The following MRAP2 variants were observed in gnomAD, a reference collection of about 807,000 sequenced individuals.
The protein encoded by MRAP2 is melanocortin-2 receptor accessory protein 2.
Under a neutral mutation model 17.4 loss-of-function variants are expected in MRAP2, and 20 were observed. The observed-to-expected ratio is 1.15, with a 90% CI of 0.81 to 1.67. MRAP2 has a LOEUF of 1.67. Among genes scored for constraint, MRAP2 ranks in the 40% most tolerant of loss-of-function variants. The pLI, the probability that MRAP2 is intolerant of heterozygous loss-of-function variation, is 0.00. For missense variants in MRAP2, 238 were observed against 240.0 expected (o/e 0.99, Z 0.05); for synonymous variants, 96 against 88.4 (o/e 1.09, Z -0.48).
At chr6:84,060,667 GTGT>G (rs573828023) in intron 2 of MRAP2, among the ~76,000 whole-genome samples, 61 of 151,872 alleles carry the variant, frequency 4.0e-4, no homozygotes, top group African/African-American at 1.4e-3. Flanking sequence ...AGTACATGTG[GTGT>G]TTGGTATTTG....
chr6:84,062,567 A>G (rs2099493435), intron 2 of MRAP2: 1 of 985,260 alleles, frequency 1.0e-6, no homozygotes, highest in Non-Finnish European at 1.2e-6. Context: ...TAAAAATTTT[A>G]TTTTCTAACT....
chr6:84,076,982 A>T (rs760038110), intron 3 of MRAP2, among the ~76,000 whole-genome samples: 13 of 152,206 alleles, frequency 8.5e-5, no homozygotes, highest in Non-Finnish European at 1.2e-4. Context: ...TGTGCCTCTC[A>T]TAGGAATCAG....
chr6:84,126,540 A>G, the MRAP2 span: 2 of 1,445,764 alleles, frequency 1.4e-6, no homozygotes, highest in South Asian at 1.4e-5. Flanking sequence ...AGCAAATGAA[A>G]AACTATAATC....
intron 3 of MRAP2, among the ~76,000 whole-genome samples, chr6:84,084,580 T>G (rs1392741869): frequency 6.6e-6 from 1 of 152,208 alleles, no homozygotes; most frequent in Admixed American, 6.5e-5. Flanking sequence ...GCATTTTGAC[T>G]GGAATGCCAT....
downstream of MRAP2, among the ~76,000 whole-genome samples, chr6:84,092,813 T>G (rs1379326772): frequency 6.6e-6 from 1 of 152,134 alleles, no homozygotes; most frequent in Non-Finnish European, 1.5e-5. Flanking sequence ...AAAAAAAATC[T>G]GCATACAAGT....
chr6:84,116,468 A>C, the MRAP2 span, among the ~76,000 whole-genome samples: 8 of 152,158 alleles, frequency 5.3e-5, no homozygotes, highest in African/African-American at 1.9e-4. Flanking sequence ...GCCACATAGA[A>C]TTGTGAATCC....
At chr6:84,036,090 C>T (rs1224286346) in intron 1 of MRAP2, among the ~76,000 whole-genome samples, 1 of 150,144 alleles carries the variant, frequency 6.7e-6, no homozygotes, top group African/African-American at 2.4e-5. Flanking sequence ...TGGAAGATTA[C>T]CAGATAATGC....
At position 84,089,845 on chromosome 6, in the gene MRAP2, C is replaced by T; in HGVS notation, c.*364C>T. 5.3e-6 allele frequency: 1 copy of T among 189,506 alleles called. No homozygotes were observed. Among genetic ancestry groups the T allele is most frequent in the Admixed American group, 5.4e-5 (1 of 18,532 alleles). The allele number at this position is 189,506 out of a possible 1,614,324, so 11.7% of individuals were successfully genotyped here. On this transcript the variant is annotated 3_prime_UTR_variant, in exon 4 of 4. Coordinates refer to ENST00000257776, the MANE Select transcript of MRAP2 (RefSeq NM_138409.4). Reference sequence around the variant, plus strand: ...TTTTGCTATTTTTTTTAAAGCTCGTCAGCTATCGTTAGTGTTAGTGTACTT... The same window carrying T: ...TTTTGCTATTTTTTTTAAAGCTCGTTAGCTATCGTTAGTGTTAGTGTACTT...
chr6:84,123,290 C>T, the MRAP2 span, among the ~76,000 whole-genome samples: 5 of 149,592 alleles, frequency 3.3e-5, no homozygotes, highest in Admixed American at 3.3e-4. Context: ...CAAAGCACTC[C>T]TAAGCAAAAA....
At chr6:84,105,194 A>G in the MRAP2 span, among the ~76,000 whole-genome samples, 4 of 152,088 alleles carry the variant, frequency 2.6e-5, no homozygotes, top group Non-Finnish European at 1.5e-5. Context: ...AGTAGCTTCC[A>G]CATTTTTGGG....
At chr6:84,066,004 A>AAC (rs10684117) in intron 3 of MRAP2, among the ~76,000 whole-genome samples, 20,130 of 142,386 alleles carry the variant, frequency 0.14, 1,399 homozygotes, top group African/African-American at 0.19. Flanking sequence ...TCTCTTTATA[A>AAC]ACACACACAC....
chr6:84,100,899 T>C, the MRAP2 span, among the ~76,000 whole-genome samples: 6 of 152,184 alleles, frequency 3.9e-5, no homozygotes, highest in Admixed American at 3.9e-4. Flanking sequence ...AGAAGACATG[T>C]AGCTCATTTC....
At chr6:84,097,958 C>T in the MRAP2 span, among the ~76,000 whole-genome samples, 1 of 152,110 alleles carries the variant, frequency 6.6e-6, no homozygotes, top group Non-Finnish European at 1.5e-5. Flanking sequence ...TTTAAAATAA[C>T]TTTGAGATAT....
intron 2 of MRAP2, chr6:84,062,037 A>T (rs1396943622): frequency 1.0e-6 from 1 of 985,358 alleles, no homozygotes; most frequent in East Asian, 1.1e-4. Context: ...GCAAGAAGTA[A>T]TGAGAGCCTG....
At chr6:84,117,873 T>A in the MRAP2 span, among the ~76,000 whole-genome samples, 1 of 152,194 alleles carries the variant, frequency 6.6e-6, no homozygotes, top group Non-Finnish European at 1.5e-5. Flanking sequence ...CTCAGGGGAA[T>A]ACTGACTTGT....
chr6:84,037,715 G>T (rs190945564), intron 1 of MRAP2, among the ~76,000 whole-genome samples: 1,891 of 152,238 alleles, frequency 0.012, 46 homozygotes, highest in African/African-American at 0.043. Flanking sequence ...CTCTGCAGCT[G>T]CTGGCCTGGG....
chr6:84,112,133 G>A, the MRAP2 span, among the ~76,000 whole-genome samples: 2 of 152,140 alleles, frequency 1.3e-5, no homozygotes, highest in Non-Finnish European at 2.9e-5. Context: ...GAGTTAGGGA[G>A]GAGTCCCCCT....
the MRAP2 span, among the ~76,000 whole-genome samples, chr6:84,114,226 C>T: frequency 2.8e-4 from 42 of 152,202 alleles, no homozygotes; most frequent in Non-Finnish European, 4.9e-4. Context: ...ATCAAACATA[C>T]GTTTGGTCTT....
the MRAP2 span, among the ~76,000 whole-genome samples, chr6:84,104,979 A>C: frequency 5.0e-3 from 768 of 152,342 alleles, 7 homozygotes; most frequent in African/African-American, 0.017. Flanking sequence ...TTGCTAAAAC[A>C]TAAGAGTCAC....
Sources: gnomAD v4.1 joint callset for allele counts (sites outside exome capture counted in the v4.1 genomes callset) on GRCh38, gnomAD v4.1.1 for gene constraint, MANE v1.5 for transcripts, NCBI Gene and HGNC (gene_info 2026-07-23, HGNC 2026-07-21) for gene names.